The following PRUNE2 variants were observed in gnomAD, a reference collection of about 807,000 sequenced individuals.
PRUNE2 encodes the protein prune homolog 2 with BCH domain.
Under a neutral mutation model 252.0 loss-of-function variants are expected in PRUNE2, and 164 were observed. The ratio of observed to expected loss-of-function variants is 0.65; its 90% confidence interval spans 0.57 to 0.74. PRUNE2 has a LOEUF of 0.74. PRUNE2 is among the 30% of genes least tolerant of loss of function. PRUNE2 has a pLI of 0.00. For synonymous variants in PRUNE2, 1,292 were observed against 1,350.2 expected, an observed-to-expected ratio of 0.96 and a Z score of 0.94; for missense variants, 3,495 against 3,711.0, an observed-to-expected ratio of 0.94 and a Z score of 1.51.
At chr9:76,686,595 C>T (rs1453022516) in intron 9 of PRUNE2, among the ~76,000 whole-genome samples, 1 of 152,096 alleles carries the variant, frequency 6.6e-6, no homozygotes, top group Non-Finnish European at 1.5e-5. Context: ...GTTGGGACCA[C>T]AGGCATCCAC....
At chr9:76,740,688 TATTTA>T (rs549975744) in intron 6 of PRUNE2, among the ~76,000 whole-genome samples, 261 of 152,294 alleles carry the variant, frequency 1.7e-3, no homozygotes, top group African/African-American at 5.5e-3. Flanking sequence ...GAACCCTTTA[TATTTA>T]ATTAAACATT....
At chr9:76,618,413 T>A (rs1392441990) in intron 18 of PRUNE2, among the ~76,000 whole-genome samples, 1 of 152,238 alleles carries the variant, frequency 6.6e-6, no homozygotes, top group East Asian at 1.9e-4. Context: ...TGCTTCCTGA[T>A]TGCTAGGAAC....
In PRUNE2 at chr9:76,708,135, G is replaced by A; in HGVS notation, c.4139C>T (p.Ser1380Leu). 6.2e-7 allele frequency: 1 copy of A among 1,613,958 alleles called. No homozygotes were observed. The highest frequency in any genetic ancestry group is 8.5e-7 in the Non-Finnish European group (1 of 1,179,892). The change falls in exon 8 of 19, where the codon TCA (serine) becomes TTA (leucine). Residue 1380 changes from serine (S) to leucine (L), a missense_variant. By Grantham distance (145) the Ser-to-Leu change is moderately radical (BLOSUM62 -2). Coordinates refer to ENST00000376718, the MANE Select transcript of PRUNE2 (RefSeq NM_015225.3). Reference protein sequence around the residue: ...ASEHQEICIKSGKISSLAVTF... With the variant: ...ASEHQEICIKLGKISSLAVTF... ...GACAGCAAGAGAGCTGATTTTGCCTGATTTAATGCAGATTTCCTGATGTTC... is the reference window on the plus strand; with the variant it reads ...GACAGCAAGAGAGCTGATTTTGCCTAATTTAATGCAGATTTCCTGATGTTC...
At chr9:76,824,863 C>A (rs945751011) in intron 5 of PRUNE2, among the ~76,000 whole-genome samples, 2 of 152,212 alleles carry the variant, frequency 1.3e-5, no homozygotes, top group Admixed American at 1.3e-4. Context: ...TTTCACAATG[C>A]AGCGTAAAAT....
intron 4 of PRUNE2, among the ~76,000 whole-genome samples, chr9:76,839,077 T>TA (rs979916378): frequency 6.6e-6 from 1 of 152,204 alleles, no homozygotes; most frequent in Non-Finnish European, 1.5e-5. Flanking sequence ...TGTTTTTTTT[T>TA]AAACTAGAAG....
intron 1 of PRUNE2, among the ~76,000 whole-genome samples, chr9:76,903,407 T>TTTTG (rs370208160): frequency 6.6e-6 from 1 of 152,004 alleles, no homozygotes; most frequent in Non-Finnish European, 1.5e-5. Flanking sequence ...AATTAGGCTT[T>TTTTG]TTTGTTTGTT....
chr9:76,813,241 C>T (rs966746886), intron 6 of PRUNE2, among the ~76,000 whole-genome samples: 6 of 152,196 alleles, frequency 3.9e-5, no homozygotes, highest in African/African-American at 1.4e-4. Context: ...CTCTGGCCCA[C>T]AGACCAGTTC....
chr9:76,850,181 G>C (rs943631887), intron 3 of PRUNE2, among the ~76,000 whole-genome samples: 1 of 152,040 alleles, frequency 6.6e-6, no homozygotes. Flanking sequence ...CCAAGTAGCT[G>C]GGATTACAGG....
rs778696964 is a variant in PRUNE2 at position 76,704,957 on chromosome 9, ACTT to A, written c.7314_7316del (p.Arg2438del). 2.5e-6 allele frequency: 4 copies of A among 1,613,008 alleles called. No homozygotes were observed. The Admixed American group carries it at 6.7e-5, about 27-fold the overall frequency. ...TTTTGGTCTCAGCCTGGTTTCCCTC[ACTT>A]CTTCGATCAGGAAGTGCAGAAAGCA... is the stretch of plus-strand genomic sequence containing the variant. On this transcript the variant is annotated inframe_deletion, in exon 8 of 19. Coordinates refer to ENST00000376718, the MANE Select transcript of PRUNE2 (RefSeq NM_015225.3).
chr9:76,639,123 A>T (rs1288126624), intron 12 of PRUNE2, among the ~76,000 whole-genome samples: 1 of 152,152 alleles, frequency 6.6e-6, no homozygotes, highest in African/African-American at 2.4e-5. Context: ...TCTTTTTTGC[A>T]GTAGAGTCAC....
At chr9:76,778,479 T>A (rs1360898865) in intron 6 of PRUNE2, 1 of 152,210 alleles carries the variant, frequency 6.6e-6, no homozygotes, top group Non-Finnish European at 1.5e-5. Flanking sequence ...ACTGAAACGA[T>A]GGGATGGCCA....
In PRUNE2 at chr9:76,747,607, G is replaced by A. The variant is rs561160728; in HGVS notation, c.757-33886C>T. On this transcript the variant is annotated intron_variant, in intron 6 of 18. Coordinates refer to ENST00000376718, the MANE Select transcript of PRUNE2 (RefSeq NM_015225.3). ...CTCCAGCCACTACTTCTGTAACTGAGTTGGTTCCTGTATGTGCTAGGACAA... is the reference window on the plus strand; with the variant it reads ...CTCCAGCCACTACTTCTGTAACTGAATTGGTTCCTGTATGTGCTAGGACAA... Among the ~76,000 whole-genome samples, 5 of 152,270 alleles carry A rather than the reference G, an allele frequency of 3.3e-5. No individual in the cohort carries two copies. In the East Asian group the frequency reaches 9.7e-4, roughly 29 times the overall value.
chr9:76,655,544 T>C (rs1350378892), intron 9 of PRUNE2, 42 bp from the exon 10 acceptor site: 5 of 1,402,996 alleles, frequency 3.6e-6, no homozygotes, highest in Admixed American at 3.5e-5. Flanking sequence ...AACAACTGTG[T>C]AAGACTTCAT....
chr9:76,851,492 G>T (rs2059956526), intron 2 of PRUNE2, among the ~76,000 whole-genome samples: 1 of 151,710 alleles, frequency 6.6e-6, no homozygotes, highest in Non-Finnish European at 1.5e-5. Flanking sequence ...AGCTTGCAGT[G>T]AGCCAAGATC....
At chr9:76,823,310 T>C (rs866691822) in intron 6 of PRUNE2, 12 of 217,910 alleles carry the variant, frequency 5.5e-5, no homozygotes, top group African/African-American at 2.7e-4. Flanking sequence ...ACAGAAAATA[T>C]GGAAGTGAAC....
chr9:76,618,496 A>G (rs994572755), intron 18 of PRUNE2, among the ~76,000 whole-genome samples: 1 of 152,220 alleles, frequency 6.6e-6, no homozygotes, highest in African/African-American at 2.4e-5. Flanking sequence ...GTTCTCTCTG[A>G]AAGCTTGCTG....
intron 6 of PRUNE2, among the ~76,000 whole-genome samples, chr9:76,727,539 A>T (rs1285672309): frequency 6.6e-6 from 1 of 152,282 alleles, no homozygotes; most frequent in South Asian, 2.1e-4. Flanking sequence ...AGAAAACAGC[A>T]GGATGGTTTA....
intron 1 of PRUNE2, among the ~76,000 whole-genome samples, chr9:76,890,116 C>T (rs1302223013): frequency 6.6e-6 from 1 of 152,150 alleles, no homozygotes; most frequent in African/African-American, 2.4e-5. Flanking sequence ...AATTTAGCTC[C>T]AACATTCATT....
chr9:76,861,565 C>A (rs116800348), intron 1 of PRUNE2, among the ~76,000 whole-genome samples: 1 of 152,084 alleles, frequency 6.6e-6, no homozygotes, highest in Non-Finnish European at 1.5e-5. Context: ...CAGTTCCCCC[C>A]GGTCAGGCTT....
Sources: gnomAD v4.1 joint callset for allele counts (sites outside exome capture counted in the v4.1 genomes callset) on GRCh38, gnomAD v4.1.1 for gene constraint, MANE v1.5 for transcripts, NCBI Gene and HGNC (gene_info 2026-07-23, HGNC 2026-07-21) for gene names.